TTN: variants seen among roughly 807,000 people sequenced by gnomAD.
TTN encodes the protein titin.
A neutral mutation model predicts 3,223.0 loss-of-function variants in TTN; 1,525 were observed. The ratio of observed to expected loss-of-function variants is 0.47; its 90% CI spans 0.45 to 0.49. The LOEUF (loss-of-function observed/expected upper bound fraction) is 0.49, where lower values mean the gene tolerates loss of function less well. Among genes scored for constraint, TTN ranks in the 20% least tolerant of loss-of-function variants. The pLI is 0.00. For missense variants in TTN, 40,786 were observed against 43,424.0 expected (o/e 0.94, Z 5.40); for synonymous variants, 14,094 against 15,161.0 (o/e 0.93, Z 5.17).
chr2:178,582,257 T>A (rs2047942316), intron 314 of TTN, 39 bp downstream of exon 314: 7 of 1,576,014 alleles, frequency 4.4e-6, no homozygotes, highest in Non-Finnish European at 6.0e-6. Flanking sequence ...AAGATAATTT[T>A]AAAAAATAAA....
chr2:178,711,846 CT>C (rs1330094610), intron 96 of TTN, 97 bp downstream of exon 96: 21 of 1,435,700 alleles, frequency 1.5e-5, no homozygotes, highest in Non-Finnish European at 1.9e-5. Flanking sequence ...AATTTTAAGC[CT>C]TTGGAAAGAT....
rs369089044 is a variant in TTN at position 178,717,770 on chromosome 2, G to T, written c.25104C>A (p.Asp8368Glu). Residue 8368 changes from aspartate to glutamate, a missense_variant, in exon 87 of 363, where the codon GAC becomes GAA. Transcript: ENST00000589042. ...CTGGGAAGCCTAGAGTCTCATGAAC[G>T]TCTTTCAGTTTTCTTGCAAAGAAAG... is the stretch of plus-strand genomic sequence containing the variant. The part of the protein sequence containing the change: ...LPPFFARKLK[D>E]VHETLGFPVA... 3.8e-5 allele frequency: 61 copies of T among 1,608,834 alleles called. No individual in the cohort carries two copies. The highest frequency in any genetic ancestry group is 4.9e-5 in the Non-Finnish European group (58 of 1,177,538).
At position 178,652,676 on chromosome 2, in the gene TTN, T is replaced by A; in HGVS notation, c.39020A>T (p.Lys13007Met). ...ACCTTTAACAGGTGGGACTTCAGGC[T>A]TTTTAGGAGGAGCCGAGGGCACTTT... ...EKKVPSAPPK[K>M]PEVPPVKVPE... Residue 13007 changes from lysine (K) to methionine (M), a missense_variant, in exon 201 of 363, where the codon AAG becomes ATG. By Grantham distance (95) the Lys-to-Met change is moderately conservative (BLOSUM62 -1). Transcript: ENST00000589042. 6.8e-6 allele frequency: 11 copies of A among 1,613,478 alleles called. No individual in the cohort carries two copies. The highest frequency in any genetic ancestry group is 9.3e-6 in the Non-Finnish European group (11 of 1,179,568).
chr2:178,802,304 G>C lies in TTN; in HGVS notation c.129C>G (p.Gly43=). Residue 43 remains glycine (G), a synonymous_variant, in exon 3 of 363, where the codon GGC becomes GGG. Transcript: ENST00000589042. The part of the protein sequence containing the change: ...PVPEVSWFRD[G]QVISTSTLPG... ...GCAGAGTGGAAGTGGAAATCACCTG[G>C]CCATCCCTAAACCAGCTCACCTCAG... 2 of 1,614,110 alleles carry C rather than the reference G, an allele frequency of 1.2e-6. No individual in the cohort carries two copies. Among genetic ancestry groups the C allele is most frequent in the Non-Finnish European group, 1.7e-6 (2 of 1,180,004 alleles).
chr2:178,719,674 T>C lies in TTN; in HGVS notation c.23818A>G (p.Ile7940Val). The stretch of plus-strand genomic sequence containing the variant: ...ATTTTAAGGGAAGCCACTTTATTGA[T>C]GAATGTAATGTGATGTTTGCTGTCT... ...SADSKHHITFINKVASLKIPC... is the reference protein window; with the variant it reads ...SADSKHHITFVNKVASLKIPC... The change falls in exon 82 of 363, where the codon ATC becomes GTC. Residue 7940 changes from isoleucine to valine, a missense_variant. Ile to Val is a conservative substitution (Grantham distance 29). Transcript: ENST00000589042. 1.2e-6 allele frequency: 2 copies of C among 1,613,746 alleles called. No homozygotes were observed. The highest frequency in any genetic ancestry group is 1.7e-6 in the Non-Finnish European group (2 of 1,179,726).
intron 50 of TTN, 128 bp from the exon 51 acceptor site, chr2:178,735,116 G>A: frequency 1.9e-6 from 2 of 1,055,498 alleles, no homozygotes; most frequent in Non-Finnish European, 2.6e-6. Flanking sequence ...TTCTGTAAAA[G>A]CTGTGGTGCA....
chr2:178,625,432 A>C, intron 240 of TTN, 36 bp from the exon 241 acceptor site: 1 of 1,527,568 alleles, frequency 6.5e-7, no homozygotes, highest in Non-Finnish European at 8.7e-7. Flanking sequence ...ATGAAACAGC[A>C]ATCTAGTATA....
rs775062725 is a variant in TTN, at chr2:178,553,478, A to G, written c.89503+24T>C. On this transcript the variant is annotated intron_variant, in intron 334 of 362. Coordinates refer to ENST00000589042, the MANE Select transcript of TTN (RefSeq NM_001267550.2). ...CCTGGAAGTATGCTTATTAAAAAAC[A>G]TAATCAAACCAGTAGGTACATACCA... The G allele has an allele frequency of 1.5e-5, 23 of 1,583,884 alleles. No homozygotes were observed. The South Asian group carries it at 2.6e-4, about 18-fold the overall frequency.
chr2:178,585,233 TCTC>T lies in TTN; in HGVS notation c.64508_64510del (p.Gly21503del), dbSNP rs1282040644. The stretch of plus-strand genomic sequence containing the variant: ...GTGGCTGGATGTGACAACTTCATCT[TCTC>T]CTTTTTTCCATTTACAGGTGGGATG... On this transcript the variant is annotated inframe_deletion, in exon 309 of 363. Transcript: ENST00000589042. The T allele has an allele frequency of 1.2e-6, 2 of 1,613,306 alleles. No individual in the cohort carries two copies. The highest frequency in any genetic ancestry group is 1.7e-5 in the Admixed American group (1 of 59,998).
At chr2:178,798,427 T>A (rs574685673) in intron 6 of TTN, 1 of 152,294 alleles carries the variant, frequency 6.6e-6, no homozygotes, top group South Asian at 2.1e-4. Flanking sequence ...GATCACCTTC[T>A]AAAATACTTC....
At chr2:178,772,391 A>C (rs1040935314) in intron 33 of TTN, among the ~76,000 whole-genome samples, 2 of 152,074 alleles carry the variant, frequency 1.3e-5, no homozygotes, top group Non-Finnish European at 2.9e-5. Flanking sequence ...TAACATCTCA[A>C]CTCCTCAAAA....
At chr2:178,747,846 G>A in intron 47 of TTN, 2 of 1,612,922 alleles carry the variant, frequency 1.2e-6, no homozygotes, top group African/African-American at 2.7e-5. Flanking sequence ...CCAGAGGCAT[G>A]AATGTTTGTA....
At position 178,622,956 on chromosome 2, in the gene TTN, T is replaced by G. The variant is rs2366752; in HGVS notation, c.44816-189A>C. On this transcript the variant is annotated intron_variant, in intron 242 of 362. Transcript: ENST00000589042. ...CTTTGCTTTTTAGATATCTCTTTAG[T>G]TTACATAAAATTATGTGGCATTCTA... 0.046 allele frequency among the ~76,000 whole-genome samples: 6,951 copies of G among 152,040 alleles called. 327 individuals carry two copies. Among genetic ancestry groups the G allele is most frequent in the South Asian group, 0.16 (764 of 4,826 alleles).
chr2:178,789,647 TACTG>T, intron 12 of TTN, 150 bp from the exon 13 acceptor site: 1 of 1,111,932 alleles, frequency 9.0e-7, no homozygotes, highest in Non-Finnish European at 1.3e-6. Flanking sequence ...TGTCTACATA[TACTG>T]ACTGAGAATC....
chr2:178,574,831 C>T lies in TTN; in HGVS notation c.71301G>A (p.Arg23767=). 1 of 1,612,886 alleles carries T rather than the reference C, an allele frequency of 6.2e-7. No individual in the cohort carries two copies. ...CAACCCAGGTAGTACTGTCAGTCTG[C>T]CGCATTTCCACTACATAGTTGCTTA... ...VPISNYVVEM[R]QTDSTTWVEL... is the part of the protein sequence containing the mutation. Residue 23767 remains arginine (R), a synonymous_variant, in exon 326 of 363, where the codon CGG becomes CGA. Coordinates refer to ENST00000589042, the MANE Select transcript of TTN (RefSeq NM_001267550.2).
Position 178,688,786 on chromosome 2 carries a change from A to T in TTN, c.32096-8T>A, listed in dbSNP as rs1416788961. The stretch of plus-strand genomic sequence containing the variant: ...TTTTCTTAGAGACTTCAGCTTTAAG[A>T]AAGTGTTAAAGTTGAAGTTTAAAAT... On this transcript the variant is annotated splice_polypyrimidine_tract_variant and splice_region_variant and intron_variant, in intron 125 of 362. Coordinates refer to ENST00000589042, the MANE Select transcript of TTN (RefSeq NM_001267550.2). The T allele has an allele frequency of 1.3e-6, 2 of 1,580,422 alleles. No homozygotes were observed. Among genetic ancestry groups the T allele is most frequent in the Admixed American group, 3.4e-5 (2 of 59,112 alleles).
At position 178,679,960 on chromosome 2, in the gene TTN, C is replaced by T. The variant is rs1406693841; in HGVS notation, c.33514G>A (p.Glu11172Lys). 6.2e-7 allele frequency: 1 copy of T among 1,612,148 alleles called. No individual in the cohort carries two copies. Among genetic ancestry groups the T allele is most frequent in the Middle Eastern group, 1.7e-4 (1 of 6,050 alleles). The change falls in exon 140 of 363, where the codon GAG (glutamate) becomes AAG (lysine). Residue 11172 changes from glutamate to lysine, a missense_variant. Physicochemically the swap from Glu to Lys is moderately conservative, Grantham distance 56. Coordinates refer to ENST00000589042, the MANE Select transcript of TTN (RefSeq NM_001267550.2). ...AACTCCTCTTCTTCATGAATGTACT[C>T]TTCTTCTTCTTCTACAAGATATTCT... ...VEEYLVEEEE[E>K]YIHEEEEFIT...
Position 178,537,774 on chromosome 2 carries a change from G to A in TTN, c.99433C>T (p.Arg33145Trp), listed in dbSNP as rs1338284042. ...CCATCTGAAGACATTTTGTATTTCC[G>A]GCTTTGTATGAGCTCTTTACCAAAT... ...YRFGKELIQS[R>W]KYKMSSDGRT... Residue 33145 changes from arginine (R) to tryptophan (W), a missense_variant, in exon 355 of 363, where the codon CGG (arginine) becomes TGG (tryptophan). Physicochemically the swap from Arg to Trp is moderately radical, Grantham distance 101 (BLOSUM62 -3). Coordinates refer to ENST00000589042, the MANE Select transcript of TTN (RefSeq NM_001267550.2). 8 of 1,613,674 alleles carry A rather than the reference G, an allele frequency of 5.0e-6. No homozygotes were observed. The highest frequency in any genetic ancestry group is 4.5e-5 in the East Asian group (2 of 44,870).
Position 178,580,060 on chromosome 2 carries a change from G to A in TTN, c.67227C>T (p.Ser22409=), listed in dbSNP as rs763329768. ...AATTAGCTACTCTGAAGCTTGTTTTGGAGCACTCAGTTGTCACTGTAGACC... is the reference window on the plus strand; with the variant it reads ...AATTAGCTACTCTGAAGCTTGTTTTAGAGCACTCAGTTGTCACTGTAGACC... ...KSWSTVTTEC[S]KTSFRVANLE... is the part of the protein sequence containing the mutation. The change falls in exon 318 of 363, where the codon TCC becomes TCT. Residue 22409 remains serine (S), a synonymous_variant. Transcript: ENST00000589042. The A allele has an allele frequency of 6.2e-7, 1 of 1,613,288 alleles. No individual in the cohort carries two copies. Among genetic ancestry groups the A allele is most frequent in the Non-Finnish European group, 8.5e-7 (1 of 1,179,496 alleles).
Sources: allele counts gnomAD v4.1 joint callset (sites outside exome capture counted in the v4.1 genomes callset), GRCh38; gene constraint gnomAD v4.1.1; transcripts MANE v1.5; gene names NCBI Gene and HGNC (gene_info 2026-07-23, HGNC 2026-07-21).